Variants in NCOR1 observed in about 807,000 individuals in gnomAD.
NCOR1 encodes the protein protein phosphatase 1, regulatory subunit 109.
In NCOR1, 63 loss-of-function variants were observed where a neutral mutation model predicts 288.1. The ratio of observed to expected loss-of-function variants is 0.22; its 90% CI spans 0.18 to 0.27. The LOEUF (loss-of-function observed/expected upper bound fraction) is 0.27, where lower values mean the gene tolerates loss of function less well. Ranked by LOEUF, NCOR1 falls within the 10% of genes least tolerant of loss-of-function variation. The pLI, the probability that NCOR1 is intolerant of heterozygous loss-of-function variation, is 1.00. For synonymous variants in NCOR1, 1,007 were observed against 1,065.9 expected (o/e 0.94, Z 1.08); for missense variants, 2,397 against 3,019.2 (o/e 0.79, Z 4.83).
chr17:16,072,884 A>G (rs1325338809), intron 28 of NCOR1, among the ~76,000 whole-genome samples: 1 of 152,200 alleles, frequency 6.6e-6, no homozygotes, highest in Non-Finnish European at 1.5e-5. Flanking sequence ...AATCATACTG[A>G]TCATGTACTG....
In NCOR1 at chr17:16,215,371, G is replaced by A. The variant is rs1353532088; in HGVS notation, c.-80C>T. ...GCCAGGGCCTACTCACCGGGAGCTG[G>A]CTAAGCGTGGGAGCCGACGTGCGCC... On this transcript the variant is annotated 5_prime_UTR_variant, in exon 1 of 46. Transcript: ENST00000268712. 5 of 394,518 alleles carry A rather than the reference G, an allele frequency of 1.3e-5. No individual in the cohort carries two copies. Among genetic ancestry groups the A allele is most frequent in the East Asian group, 1.1e-4 (3 of 27,880 alleles). 24.4% of individuals were successfully genotyped at this position (394,518 alleles called of 1,614,324 possible).
intron 22 of NCOR1, among the ~76,000 whole-genome samples, chr17:16,086,887 C>A (rs1391246948): frequency 2.0e-5 from 3 of 152,214 alleles, no homozygotes; most frequent in African/African-American, 7.2e-5. Flanking sequence ...TCACAGAACA[C>A]TTGAATTTTG....
chr17:16,097,946 T>C (rs1598570769), intron 21 of NCOR1, among the ~76,000 whole-genome samples: 2 of 152,298 alleles, frequency 1.3e-5, no homozygotes, highest in Admixed American at 6.5e-5. Flanking sequence ...AGGAACCTAG[T>C]TGGTGACCAA....
At position 16,032,267 on chromosome 17, in the gene NCOR1, T is replaced by G; in HGVS notation, c.*29A>C. 6.3e-7 allele frequency: 1 copy of G among 1,575,430 alleles called. No individual in the cohort carries two copies. The highest frequency in any genetic ancestry group is 2.3e-5 in the East Asian group (1 of 42,710). ...CCACAAAAACTAGAGATCCCTCTCC[T>G]GCACCCTGTTCCCCTCACTTTGTGC... On this transcript the variant is annotated 3_prime_UTR_variant, in exon 46 of 46. Coordinates refer to ENST00000268712, the MANE Select transcript of NCOR1 (RefSeq NM_006311.4).
intron 21 of NCOR1, among the ~76,000 whole-genome samples, chr17:16,095,943 G>A (rs376305685): frequency 1.3e-5 from 2 of 152,090 alleles, no homozygotes; most frequent in African/African-American, 4.8e-5. Flanking sequence ...TGTGTAGAAA[G>A]TAGTAGACAT....
chr17:16,157,193 G>A (rs981158210), intron 6 of NCOR1, among the ~76,000 whole-genome samples: 3 of 151,970 alleles, frequency 2.0e-5, no homozygotes, highest in African/African-American at 7.2e-5. Context: ...TCTTAAACAA[G>A]GGAGCAACTG....
chr17:16,064,229 C>T (rs2060866386), intron 34 of NCOR1, 42 bp from the exon 35 acceptor site: 2 of 1,588,350 alleles, frequency 1.3e-6, no homozygotes, highest in Non-Finnish European at 8.6e-7. Flanking sequence ...AAAATATCAA[C>T]TGACTGAGTA....
At position 16,065,564 on chromosome 17, in the gene NCOR1, T is replaced by C; in HGVS notation, c.4872A>G (p.Gln1624=). The change falls in exon 33 of 46, where the codon CAA becomes CAG. Residue 1624 remains glutamine (Q), a synonymous_variant. Transcript: ENST00000268712. ...LNDYITSQQM[Q]VNLRPDVARG... is the part of the protein sequence containing the mutation. ...TGGCCACATCTGGACGCAAGTTCAC[T>C]TGCATCTGTTGTGAGGTAATGTAAT... 1.2e-6 allele frequency: 2 copies of C among 1,614,246 alleles called. No individual in the cohort carries two copies. Among genetic ancestry groups the C allele is most frequent in the Non-Finnish European group, 1.7e-6 (2 of 1,180,052 alleles).
At chr17:16,213,489 CAAAAAAAA>C (rs537795184) in intron 1 of NCOR1, among the ~76,000 whole-genome samples, 4 of 78,132 alleles carry the variant, frequency 5.1e-5, no homozygotes, top group African/African-American at 1.7e-4. Context: ...AAGACTGTCT[CAAAAAAAA>C]AAAAAAAAAA....
intron 18 of NCOR1, among the ~76,000 whole-genome samples, chr17:16,111,643 G>GA (rs1045118822): frequency 1.4e-5 from 2 of 146,182 alleles, no homozygotes; most frequent in African/African-American, 5.4e-5. Flanking sequence ...AAAAAAAAAA[G>GA]AAGACATTCT....
chr17:16,194,370 T>C (rs1193610646), intron 2 of NCOR1, 92 bp downstream of exon 2: 2 of 696,126 alleles, frequency 2.9e-6, no homozygotes, highest in Non-Finnish European at 4.5e-6. Flanking sequence ...AAAAGATAAA[T>C]TTGGTGGTTT....
intron 44 of NCOR1, 194 bp downstream of exon 44, chr17:16,039,239 C>T (rs1464231573): frequency 1.9e-5 from 11 of 592,944 alleles, no homozygotes; most frequent in African/African-American, 3.7e-5. Context: ...AAATTTTCTT[C>T]CATTTTATTT....
intron 10 of NCOR1, among the ~76,000 whole-genome samples, chr17:16,145,804 A>G (rs1258651059): frequency 1.3e-5 from 2 of 152,168 alleles, no homozygotes; most frequent in Admixed American, 1.3e-4. Flanking sequence ...TGTGCCCAAC[A>G]GCTCATTGAG....
intron 6 of NCOR1, among the ~76,000 whole-genome samples, chr17:16,158,367 C>T (rs979761837): frequency 1.3e-5 from 2 of 152,212 alleles, no homozygotes; most frequent in South Asian, 2.1e-4. Context: ...AATGACCTAT[C>T]TTTACTGAAA....
intron 14 of NCOR1, among the ~76,000 whole-genome samples, 195 bp from the exon 15 acceptor site, chr17:16,126,401 G>A (rs536438427): frequency 1.3e-5 from 2 of 152,028 alleles, no homozygotes; most frequent in African/African-American, 4.8e-5. Context: ...GGTCCTACAC[G>A]CAGACACAAA....
intron 1 of NCOR1, among the ~76,000 whole-genome samples, chr17:16,213,306 C>G (rs1048511156): frequency 3.3e-5 from 5 of 151,428 alleles, no homozygotes; most frequent in African/African-American, 1.2e-4. Flanking sequence ...TCCTGGCTAA[C>G]ACGGTGAAAC....
At chr17:16,125,045 A>C in intron 15 of NCOR1, among the ~76,000 whole-genome samples, 1 of 152,204 alleles carries the variant, frequency 6.6e-6, no homozygotes, top group East Asian at 1.9e-4. Context: ...AATCACATCA[A>C]CTTAATCATG....
At chr17:16,205,011 G>A (rs960754832) in intron 1 of NCOR1, among the ~76,000 whole-genome samples, 3 of 152,074 alleles carry the variant, frequency 2.0e-5, no homozygotes, top group African/African-American at 7.2e-5. Flanking sequence ...ACCTGAAGTC[G>A]GGAGTTTCAG....
chr17:16,073,245 A>G (rs1021817401), intron 28 of NCOR1, among the ~76,000 whole-genome samples, 184 bp downstream of exon 28: 3 of 152,192 alleles, frequency 2.0e-5, no homozygotes, highest in Non-Finnish European at 2.9e-5. Context: ...GCCACTTTAT[A>G]TACAGATATA....
Sources: allele counts gnomAD v4.1 joint callset (sites outside exome capture counted in the v4.1 genomes callset), GRCh38; gene constraint gnomAD v4.1.1; transcripts MANE v1.5; gene names NCBI Gene and HGNC (gene_info 2026-07-23, HGNC 2026-07-21).